The following ETV3 variants were observed in gnomAD, a reference collection of about 807,000 sequenced individuals.
The protein encoded by ETV3 is ETS translocation variant 3.
ETV3 carries 8 observed loss-of-function variants against 33.0 expected under a neutral mutation model. The observed-to-expected ratio is 0.24, with a 90% CI of 0.14 to 0.44. The LOEUF (loss-of-function observed/expected upper bound fraction) is 0.44. ETV3 is among the 20% of genes least tolerant of loss of function. The pLI, the probability that ETV3 is intolerant of heterozygous loss-of-function variation, is 1.00. For synonymous variants in ETV3, 222 were observed against 238.9 expected (o/e 0.93, Z 0.65); for missense variants, 473 against 652.3 (o/e 0.73, Z 2.99).
chr1:157,125,229 G>A lies in ETV3; in HGVS notation c.1151C>T (p.Pro384Leu). The A allele has an allele frequency of 6.4e-7, 1 of 1,552,198 alleles. No homozygotes were observed. The highest frequency in any genetic ancestry group is 8.7e-7 in the Non-Finnish European group (1 of 1,147,116). ...GCTCTCAGGATCCTTTTCAGAGGCA[G>A]GTTCCACCTTGATTCTTGGGGGAAT... ...ASIPPRIKVE[P>L]ASEKDPESLR... The change falls in exon 5 of 5, where the codon CCT (proline) becomes CTT (leucine). Residue 384 changes from proline to leucine, a missense_variant. By Grantham distance (98) the Pro-to-Leu change is moderately conservative. Coordinates refer to ENST00000368192, the MANE Select transcript of ETV3 (RefSeq NM_001145312.3). This position sits in a 1 kb window ranked among gnomAD's most constrained non-coding sequence, Gnocchi z 4.0.
chr1:157,124,534 G>A lies in ETV3; in HGVS notation c.*307C>T, dbSNP rs1674778557. The A allele has an allele frequency of 4.1e-6, 1 of 241,256 alleles. No homozygotes were observed. The highest frequency in any genetic ancestry group is 5.1e-5 in the Admixed American group (1 of 19,722). 14.9% of individuals were successfully genotyped at this position (241,256 alleles called of 1,614,324 possible). A position where few individuals can be genotyped will look rare whatever the true frequency, so the allele number is the denominator to read the frequency against. ...AACCTGACTATCATGGGACCAAAAA[G>A]TATCTTGGCCCTTTGGGAGTTTCCT... On this transcript the variant is annotated 3_prime_UTR_variant, in exon 5 of 5. Transcript: ENST00000368192.
chr1:157,136,629 T>C (rs1018404726), intron 1 of ETV3, among the ~76,000 whole-genome samples: 1 of 152,198 alleles, frequency 6.6e-6, no homozygotes, highest in Non-Finnish European at 1.5e-5. Context: ...AATATTTGTT[T>C]TCCTCCTCCT....
chr1:157,135,370 T>C (rs940317353), intron 3 of ETV3, 101 bp downstream of exon 3: 3 of 1,349,436 alleles, frequency 2.2e-6, no homozygotes, highest in Non-Finnish European at 3.1e-6. Context: ...ACTAAGATAG[T>C]GTAGTCTTTT....
intron 3 of ETV3, 27 bp downstream of exon 3, chr1:157,135,444 C>T (rs1437636168): frequency 6.2e-7 from 1 of 1,611,246 alleles, no homozygotes; most frequent in Admixed American, 1.7e-5. Flanking sequence ...AATCTGTTAA[C>T]ACAGATTTGG....
Position 157,126,043 on chromosome 1 carries a change from GCTAA to G in ETV3, c.401-68_401-65del, listed in dbSNP as rs1286132960. The G allele has an allele frequency of 5.1e-6, 7 of 1,379,122 alleles. No individual in the cohort carries two copies. In the East Asian group the frequency reaches 1.8e-4, roughly 35 times the overall value. 85.4% of individuals were successfully genotyped at this position (1,379,122 alleles called of 1,614,324 possible). ...CTGCTCATTCATTATCATCACTTAT[GCTAA>G]CTAAGTGCAAAATATTTAGTAGTAA... On this transcript the variant is annotated intron_variant, in intron 4 of 4. Coordinates refer to ENST00000368192, the MANE Select transcript of ETV3 (RefSeq NM_001145312.3).
rs1424147555 is a variant in ETV3, at chr1:157,125,941, A to T, written c.439T>A (p.Ser147Thr). The part of the protein sequence containing the change: ...PQSAPPVPTA[S>T]SRFHFPPLDT... Reference sequence around the variant, plus strand: ...AGAGGTGGGAAATGGAACCGGGAAGAGGCTGTTGGCACTGGTGGTGCACTC... The same window carrying T: ...AGAGGTGGGAAATGGAACCGGGAAGTGGCTGTTGGCACTGGTGGTGCACTC... The change falls in exon 5 of 5, where the codon TCT becomes ACT. Residue 147 changes from serine to threonine, a missense_variant. Ser to Thr is a moderately conservative substitution (Grantham distance 58, BLOSUM62 1). Transcript: ENST00000368192. This position sits in a 1 kb window ranked among gnomAD's most constrained non-coding sequence, Gnocchi z 4.0. 6.4e-7 allele frequency: 1 copy of T among 1,551,418 alleles called. No individual in the cohort carries two copies. Among genetic ancestry groups the T allele is most frequent in the East Asian group, 2.4e-5 (1 of 40,940 alleles).
intron 4 of ETV3, among the ~76,000 whole-genome samples, chr1:157,131,164 T>C (rs182994501): frequency 5.0e-4 from 76 of 152,308 alleles, no homozygotes; most frequent in African/African-American, 1.8e-3. Context: ...AAAACTGGGG[T>C]TGGTGGGAGT....
At chr1:157,126,030 TATC>T in intron 4 of ETV3, 51 bp from the exon 5 acceptor site, 2 of 1,435,980 alleles carry the variant, frequency 1.4e-6, no homozygotes, top group Non-Finnish European at 1.8e-6. Context: ...GCTCATTCAT[TATC>T]ATCACTTATG....
At chr1:157,126,934 G>A (rs1053470631) in intron 4 of ETV3, among the ~76,000 whole-genome samples, 1 of 149,532 alleles carries the variant, frequency 6.7e-6, no homozygotes, top group African/African-American at 2.5e-5. Context: ...CTGGCTGACT[G>A]TGGGGAGGGA....
chr1:157,126,161 T>A (rs550422889), intron 4 of ETV3, among the ~76,000 whole-genome samples, 182 bp from the exon 5 acceptor site: 1 of 152,354 alleles, frequency 6.6e-6, no homozygotes, highest in East Asian at 1.9e-4. Flanking sequence ...CAACTTGTCA[T>A]CCTTCTCTAG....
Position 157,133,973 on chromosome 1 carries a change from G to A in ETV3, c.400+139C>T, listed in dbSNP as rs1020426630. 187 of 1,457,804 alleles carry A rather than the reference G, an allele frequency of 1.3e-4. 3 individuals carry two copies. The South Asian group carries it at 2.7e-3, about 21-fold the overall frequency. 90.3% of individuals were successfully genotyped at this position (1,457,804 alleles called of 1,614,324 possible). ...CTTATAAGTGAGATGACTTGAGTAA[G>A]AACATTGAGGCAATCCAAAGGATCA... is the stretch of plus-strand genomic sequence containing the variant. On this transcript the variant is annotated intron_variant, in intron 4 of 4. Coordinates refer to ENST00000368192, the MANE Select transcript of ETV3 (RefSeq NM_001145312.3).
intron 1 of ETV3, 142 bp from the exon 2 acceptor site, chr1:157,136,507 C>T: frequency 1.5e-6 from 1 of 686,124 alleles, no homozygotes; most frequent in Admixed American, 3.1e-5. Flanking sequence ...AACATGTCAC[C>T]TCCAAACTGC....
chr1:157,136,125 G>A (rs1180089242), intron 2 of ETV3, among the ~76,000 whole-genome samples, 182 bp downstream of exon 2: 3 of 152,140 alleles, frequency 2.0e-5, no homozygotes, highest in Non-Finnish European at 4.4e-5. Flanking sequence ...ATATGGGTGT[G>A]GTGACCAGAC....
At chr1:157,127,618 T>G (rs1445524829) in intron 4 of ETV3, among the ~76,000 whole-genome samples, 1 of 151,316 alleles carries the variant, frequency 6.6e-6, no homozygotes, top group Non-Finnish European at 1.5e-5. Flanking sequence ...CCATCTTGGC[T>G]CAATGCAACC....
intron 4 of ETV3, chr1:157,133,256 G>T: frequency 4.3e-6 from 1 of 231,294 alleles, no homozygotes; most frequent in Non-Finnish European, 7.1e-6. Context: ...CGTTATCACA[G>T]ATACATATGA....
intron 4 of ETV3, 47 bp downstream of exon 4, chr1:157,134,065 C>A (rs888666050): frequency 1.9e-6 from 3 of 1,589,102 alleles, no homozygotes; most frequent in South Asian, 1.2e-5. Flanking sequence ...TTTAAAAATT[C>A]TTTTCAATTC....
intron 4 of ETV3, among the ~76,000 whole-genome samples, chr1:157,132,321 C>T (rs1014772491): frequency 1.3e-5 from 2 of 152,188 alleles, no homozygotes; most frequent in Admixed American, 1.3e-4. Context: ...TCGGGCAGAA[C>T]AGGTGTGCTG....
At chr1:157,135,097 G>A (rs1248497157) in intron 3 of ETV3, 1 of 267,426 alleles carries the variant, frequency 3.7e-6, no homozygotes. Flanking sequence ...GTTTCTTTCA[G>A]GGAAGCCCAA....
In ETV3 at chr1:157,122,560, T is replaced by C. The variant is rs373316429; in HGVS notation, c.*2281A>G. On this transcript the variant is annotated 3_prime_UTR_variant, in exon 5 of 5. Transcript: ENST00000368192. ...TCTAGGAATTCTGGCACTTGGGTTC[T>C]AGGGGGTTACAGGTATGCATCATGG... The C allele has an allele frequency of 6.6e-6, 1 of 152,190 alleles. No individual in the cohort carries two copies. The highest frequency in any genetic ancestry group is 1.9e-4 in the East Asian group (1 of 5,192). 9.4% of individuals were successfully genotyped at this position (152,190 alleles called of 1,614,324 possible). A position where few individuals can be genotyped will look rare whatever the true frequency, so the allele number is the denominator to read the frequency against.
Sources: gnomAD v4.1 joint callset for allele counts (sites outside exome capture counted in the v4.1 genomes callset) on GRCh38, gnomAD v4.1.1 for gene constraint, Gnocchi (gnomAD v3.1) non-coding constraint, MANE v1.5 for transcripts, NCBI Gene and HGNC (gene_info 2026-07-23, HGNC 2026-07-21) for gene names.